Variants in CENPP observed in about 807,000 individuals in gnomAD.
The protein encoded by CENPP is centromere protein P.
Under a neutral mutation model 35.6 loss-of-function variants are expected in CENPP, and 24 were observed. That is an observed-to-expected ratio of 0.67 (90% confidence interval 0.49 to 0.95). CENPP has a LOEUF of 0.95. CENPP is among the 40% of genes least tolerant of loss of function. CENPP has a pLI of 0.00. For missense variants in CENPP, 332 were observed against 345.3 expected, an observed-to-expected ratio of 0.96 and a Z score of 0.31; for synonymous variants, 120 against 125.5, an observed-to-expected ratio of 0.96 and a Z score of 0.29.
intron 5 of CENPP, chr9:92,512,171 T>G: frequency 7.4e-7 from 1 of 1,352,728 alleles, no homozygotes; most frequent in Non-Finnish European, 1.1e-6. Flanking sequence ...TGCATATACA[T>G]ACATGTACAC....
intron 5 of CENPP, among the ~76,000 whole-genome samples, chr9:92,432,312 C>T (rs921642567): frequency 8.6e-5 from 13 of 150,560 alleles, no homozygotes; most frequent in African/African-American, 2.5e-4. Context: ...GCGACAAGAG[C>T]GAAACTCCAT....
intron 1 of CENPP, among the ~76,000 whole-genome samples, chr9:92,329,197 T>C (rs1840660117): frequency 6.6e-6 from 1 of 150,478 alleles, no homozygotes; most frequent in Non-Finnish European, 1.5e-5. Flanking sequence ...TTTTTTTTTT[T>C]TTTTGAGACG....
intron 5 of CENPP, among the ~76,000 whole-genome samples, chr9:92,426,893 G>A (rs1461257139): frequency 1.3e-5 from 2 of 152,164 alleles, no homozygotes; most frequent in Non-Finnish European, 2.9e-5. Flanking sequence ...TTGGCTGAGA[G>A]ATCCTACAAG....
At chr9:92,344,909 C>T (rs1841240403) in intron 3 of CENPP, among the ~76,000 whole-genome samples, 1 of 151,296 alleles carries the variant, frequency 6.6e-6, no homozygotes, top group Admixed American at 6.6e-5. Flanking sequence ...TGGCTCCCGC[C>T]TGTAATCCCA....
Position 92,611,349 on chromosome 9 carries a change from G to T in CENPP, c.600G>T (p.Gly200=), listed in dbSNP as rs774301998. 3.7e-6 allele frequency: 6 copies of T among 1,613,600 alleles called. No individual in the cohort carries two copies. Among genetic ancestry groups the T allele is most frequent in the Non-Finnish European group, 5.1e-6 (6 of 1,179,970 alleles). ...KYPDAVYLSE[G]PSSCSMGIRS... is the part of the protein sequence containing the mutation. ...CAGATGCCGTGTACCTCTCGGAGGGGCCCTCCTCCTGCTCCATGGGGATCC... is the reference window on the plus strand; with the variant it reads ...CAGATGCCGTGTACCTCTCGGAGGGTCCCTCCTCCTGCTCCATGGGGATCC... The change falls in exon 6 of 8, where the codon GGG becomes GGT. Residue 200 remains glycine, a synonymous_variant. Coordinates refer to ENST00000375587, the MANE Select transcript of CENPP (RefSeq NM_001012267.3).
chr9:92,471,898 G>A (rs1228015384), intron 5 of CENPP, among the ~76,000 whole-genome samples: 2 of 152,090 alleles, frequency 1.3e-5, no homozygotes, highest in East Asian at 1.9e-4. Flanking sequence ...GGACTCAAGC[G>A]AGATGCCTGC....
intron 5 of CENPP, among the ~76,000 whole-genome samples, chr9:92,504,418 C>T (rs754799909): frequency 2.6e-5 from 4 of 152,208 alleles, no homozygotes; most frequent in African/African-American, 7.2e-5. Context: ...ATCCTGACTT[C>T]TGGCTGGATG....
intron 5 of CENPP, chr9:92,389,704 G>A (rs1842588372): frequency 1.7e-6 from 1 of 583,394 alleles, no homozygotes; most frequent in Non-Finnish European, 3.0e-6. Flanking sequence ...GAGCCTAATA[G>A]GATGGTTATT....
chr9:92,474,742 C>CTCCTCCTCATCATCA (rs1491116407), intron 5 of CENPP: 48 of 1,534,622 alleles, frequency 3.1e-5, no homozygotes, highest in Admixed American at 7.2e-5. Context: ...GAGAGTTGTC[C>CTCCTCCTCATCATCA]TCATCATCAT....
At chr9:92,420,769 A>G (rs1460320749) in intron 5 of CENPP, among the ~76,000 whole-genome samples, 1 of 151,914 alleles carries the variant, frequency 6.6e-6, no homozygotes. Flanking sequence ...TTTTTTTTTA[A>G]CAATATGTGC....
rs148227223 is a variant in CENPP at position 92,491,988 on chromosome 9, C to T, written c.564+112129C>T. 3.6e-3 allele frequency among the ~76,000 whole-genome samples: 543 copies of T among 152,294 alleles called. 5 individuals are homozygous for T. The highest frequency in any genetic ancestry group is 0.012 in the South Asian group (58 of 4,826). On this transcript the variant is annotated intron_variant, in intron 5 of 7. Coordinates refer to ENST00000375587, the MANE Select transcript of CENPP (RefSeq NM_001012267.3). ...GACCAATAAGCCCAGACGTGAGTCC[C>T]TCCATCTGCTTCCCTCACTGATTCA...
chr9:92,480,051 G>A (rs555408168), intron 5 of CENPP, among the ~76,000 whole-genome samples: 17 of 152,166 alleles, frequency 1.1e-4, no homozygotes, highest in Admixed American at 2.6e-4. Context: ...TTATTAATGA[G>A]GTACAACCTC....
At chr9:92,565,727 T>C (rs886093874) in intron 5 of CENPP, among the ~76,000 whole-genome samples, 9 of 152,168 alleles carry the variant, frequency 5.9e-5, no homozygotes, top group Non-Finnish European at 1.0e-4. Flanking sequence ...TTGGGAGCCA[T>C]GCATTAAAGA....
chr9:92,416,795 T>A, intron 5 of CENPP: 1 of 1,613,922 alleles, frequency 6.2e-7, no homozygotes, highest in Non-Finnish European at 8.5e-7. Flanking sequence ...TTTTGGAAGT[T>A]TGTCGAAGTA....
chr9:92,529,000 A>G (rs1043789009), intron 5 of CENPP, among the ~76,000 whole-genome samples: 1 of 152,240 alleles, frequency 6.6e-6, no homozygotes, highest in African/African-American at 2.4e-5. Flanking sequence ...AGGATTAACC[A>G]TGTAATGTAG....
At chr9:92,451,573 G>A (rs1436157379) in intron 5 of CENPP, among the ~76,000 whole-genome samples, 13 of 152,242 alleles carry the variant, frequency 8.5e-5, no homozygotes, top group African/African-American at 3.1e-4. Flanking sequence ...TTGACTTGGC[G>A]ATGCGGGCTC....
At chr9:92,464,294 T>C (rs17592026) in intron 5 of CENPP, among the ~76,000 whole-genome samples, 4,588 of 152,314 alleles carry the variant, frequency 0.03, 106 homozygotes, top group South Asian at 0.083. Context: ...CTTGAGGTGC[T>C]AGCCTTGGGT....
chr9:92,509,091 C>T (rs553102695), intron 5 of CENPP, among the ~76,000 whole-genome samples: 3 of 151,504 alleles, frequency 2.0e-5, no homozygotes, highest in African/African-American at 7.3e-5. Flanking sequence ...AGCACAGTCC[C>T]GAAACAAGCA....
Position 92,516,079 on chromosome 9 carries a change from C to T in CENPP, c.565-95235C>T, listed in dbSNP as rs189720948. Among the ~76,000 whole-genome samples the T allele has an allele frequency of 6.7e-5, 10 of 150,306 alleles. No homozygotes were observed. The East Asian group carries it at 1.9e-3, about 29-fold the overall frequency. On this transcript the variant is annotated intron_variant, in intron 5 of 7. Coordinates refer to ENST00000375587, the MANE Select transcript of CENPP (RefSeq NM_001012267.3). ...ACAGTGCATACTTTTTTTTCCCCCC[C>T]CCGAGACGGAGTCTTGCTCTGTCGC...
Sources: gnomAD v4.1 joint callset for allele counts (sites outside exome capture counted in the v4.1 genomes callset) on GRCh38, gnomAD v4.1.1 for gene constraint, MANE v1.5 for transcripts, NCBI Gene and HGNC (gene_info 2026-07-23, HGNC 2026-07-21) for gene names.